KPNA7: variants seen among roughly 807,000 people sequenced by gnomAD.
KPNA7 encodes importin subunit alpha-8.
A neutral mutation model predicts 53.7 loss-of-function variants in KPNA7; 54 were observed. The observed-to-expected ratio is 1.01, with a 90% confidence interval of 0.81 to 1.26. KPNA7 has a LOEUF of 1.26. Ranked by LOEUF, KPNA7 falls within the 50% of genes most tolerant of loss-of-function variation. The pLI is 0.00. For missense variants in KPNA7, 640 were observed against 644.5 expected, an observed-to-expected ratio of 0.99 and a Z score of 0.07; for synonymous variants, 276 against 259.3, an observed-to-expected ratio of 1.06 and a Z score of -0.62.
chr7:99,180,955 CT>C lies in KPNA7; in HGVS notation c.1317+927del, dbSNP rs1476400819. Among the ~76,000 whole-genome samples the C allele has an allele frequency of 1.2e-4, 17 of 137,404 alleles. 4 individuals are homozygous for C. Among genetic ancestry groups the C allele is most frequent in the Admixed American group, 3.5e-4 (5 of 14,102 alleles). 90.1% of individuals were successfully genotyped at this position (137,404 alleles called of 152,430 possible). A position where few individuals can be genotyped will look rare whatever the true frequency, so the allele number is the denominator to read the frequency against. ...TCTCTCCCCGTCTGTGTCTCTCTCT[CT>C]CCCCATCTCTCTCTCTCCCCGTCTG... On this transcript the variant is annotated intron_variant, in intron 9 of 10. Transcript: ENST00000327442.
chr7:99,206,207 A>T (rs1399565808), intron 2 of KPNA7, among the ~76,000 whole-genome samples: 1 of 151,906 alleles, frequency 6.6e-6, no homozygotes, highest in Non-Finnish European at 1.5e-5. Flanking sequence ...TGTCGCCTGG[A>T]TGGAGTGCAG....
At chr7:99,153,733 C>T in the KPNA7 span, among the ~76,000 whole-genome samples, 44 of 151,908 alleles carry the variant, frequency 2.9e-4, no homozygotes, top group South Asian at 4.8e-3. Context: ...CTTTATGGGG[C>T]CAAGGTGAAA....
chr7:99,195,944 TTAGATGGGC>T, intron 4 of KPNA7, 131 bp downstream of exon 4: 1 of 667,074 alleles, frequency 1.5e-6, no homozygotes, highest in Non-Finnish European at 2.6e-6. Flanking sequence ...ATTTCGTCTT[TTAGATGGGC>T]TAGCCTTTTC....
At chr7:99,177,252 G>A (rs1288861861) in intron 10 of KPNA7, among the ~76,000 whole-genome samples, 2 of 152,150 alleles carry the variant, frequency 1.3e-5, no homozygotes, top group African/African-American at 4.8e-5. Context: ...TGTAGTTAAC[G>A]GGTAGGGAGT....
chr7:99,185,265 C>G, intron 7 of KPNA7, 103 bp from the exon 8 acceptor site: 1 of 779,582 alleles, frequency 1.3e-6, no homozygotes. Flanking sequence ...CATGCTATAG[C>G]CGATGGTTGT....
the KPNA7 span, among the ~76,000 whole-genome samples, chr7:99,161,457 A>G: frequency 1.3e-5 from 2 of 152,154 alleles, no homozygotes; most frequent in African/African-American, 4.8e-5. Flanking sequence ...TGAGACCACA[A>G]TTCTGGCTGA....
chr7:99,180,762 CGTCT>C (rs1271957685), intron 9 of KPNA7, among the ~76,000 whole-genome samples: 8 of 42,718 alleles, frequency 1.9e-4, no homozygotes, highest in African/African-American at 5.8e-4. Context: ...TCTCTCTCCC[CGTCT>C]GTGTCTCTCT....
chr7:99,212,401 G>T (rs933261183), upstream of KPNA7, among the ~76,000 whole-genome samples: 1 of 151,584 alleles, frequency 6.6e-6, no homozygotes, highest in Admixed American at 6.6e-5. Context: ...CTGCCACCAC[G>T]CCCAGCTAAT....
At position 99,184,997 on chromosome 7, in the gene KPNA7, G is replaced by T. The variant is rs1180499728; in HGVS notation, c.1066C>A (p.Pro356Thr). The T allele has an allele frequency of 5.8e-6, 9 of 1,551,790 alleles. No individual in the cohort carries two copies. Among genetic ancestry groups the T allele is most frequent in the Non-Finnish European group, 7.8e-6 (9 of 1,147,044 alleles). The change falls in exon 8 of 11, where the codon CCT (proline) becomes ACT (threonine). Residue 356 changes from proline to threonine, a missense_variant. By Grantham distance (38) the Pro-to-Thr change is conservative. Transcript: ENST00000327442. ...AWALSNVAAG[P>T]CHHIQQLLAY... The stretch of plus-strand genomic sequence containing the variant: ...AGCAGCTGCTGGATGTGGTGACAAG[G>T]CCCCGCTGCTACGTTGCTCAGGGCC...
At chr7:99,153,423 G>A in the KPNA7 span, among the ~76,000 whole-genome samples, 1 of 151,748 alleles carries the variant, frequency 6.6e-6, no homozygotes, top group Non-Finnish European at 1.5e-5. Context: ...TCAGGCATGT[G>A]CCTGTAATCC....
At chr7:99,150,724 T>C in the KPNA7 span, among the ~76,000 whole-genome samples, 3 of 152,182 alleles carry the variant, frequency 2.0e-5, no homozygotes, top group Admixed American at 6.6e-5. Context: ...CCAGACATTC[T>C]TGTACTCATC....
the KPNA7 span, among the ~76,000 whole-genome samples, chr7:99,154,776 C>T: frequency 6.6e-6 from 1 of 152,026 alleles, no homozygotes; most frequent in Admixed American, 6.6e-5. Flanking sequence ...CCGCCCACCT[C>T]AACCTCTGAA....
chr7:99,174,796 A>T (rs1798840127), intron 10 of KPNA7, among the ~76,000 whole-genome samples: 1 of 151,106 alleles, frequency 6.6e-6, no homozygotes, highest in Admixed American at 6.6e-5. Context: ...ACCCCCTTTA[A>T]AAGAGGTCTC....
intron 3 of KPNA7, among the ~76,000 whole-genome samples, chr7:99,196,427 T>TGC (rs772297230): frequency 3.3e-5 from 5 of 152,164 alleles, no homozygotes; most frequent in Non-Finnish European, 5.9e-5. Context: ...AGTAAGAATG[T>TGC]GCTAGTGGAT....
At chr7:99,153,655 G>C in the KPNA7 span, among the ~76,000 whole-genome samples, 1 of 151,654 alleles carries the variant, frequency 6.6e-6, no homozygotes, top group African/African-American at 2.4e-5. Flanking sequence ...TGCATAGATA[G>C]TGACCAGAAC....
At chr7:99,160,637 A>G in the KPNA7 span, among the ~76,000 whole-genome samples, 1 of 152,128 alleles carries the variant, frequency 6.6e-6, no homozygotes, top group African/African-American at 2.4e-5. Context: ...GTCAGTTCTA[A>G]CACTTACATT....
chr7:99,208,198 T>C (rs1012126779), upstream of KPNA7, among the ~76,000 whole-genome samples: 1 of 152,098 alleles, frequency 6.6e-6, no homozygotes. Context: ...CACCTCAGCC[T>C]CTTGAGTAGC....
At chr7:99,182,684 G>A (rs1043338600) in intron 8 of KPNA7, among the ~76,000 whole-genome samples, 1 of 152,158 alleles carries the variant, frequency 6.6e-6, no homozygotes, top group Non-Finnish European at 1.5e-5. Context: ...AGCCAAGAAG[G>A]CAGGAGACTC....
At chr7:99,180,627 CCCCG>C (rs1799140801) in intron 9 of KPNA7, among the ~76,000 whole-genome samples, 1 of 75,812 alleles carries the variant, frequency 1.3e-5, no homozygotes, top group African/African-American at 5.1e-5. Flanking sequence ...ATCTCTCTCT[CCCCG>C]TCTCTCTCTC....
Sources: allele counts gnomAD v4.1 joint callset (sites outside exome capture counted in the v4.1 genomes callset), GRCh38; gene constraint gnomAD v4.1.1; transcripts MANE v1.5; gene names NCBI Gene and HGNC (gene_info 2026-07-23, HGNC 2026-07-21).